CFAP96: variants seen among roughly 807,000 people sequenced by gnomAD.
CFAP96 encodes the protein cilia-and flagella-associated protein 96.
chr4:185,417,436 A>G, the CFAP96 span, among the ~76,000 whole-genome samples: 1 of 152,130 alleles, frequency 6.6e-6, no homozygotes, highest in Admixed American at 6.5e-5. Flanking sequence ...CTCACCTTCC[A>G]TCTTTACCCA....
the CFAP96 span, among the ~76,000 whole-genome samples, chr4:185,443,597 ATTCG>A: frequency 1.3e-5 from 2 of 150,622 alleles, no homozygotes; most frequent in African/African-American, 4.9e-5. Context: ...GATCCACCTG[ATTCG>A]GCCTCCCAAA....
the CFAP96 span, chr4:185,436,332 C>T: frequency 6.4e-7 from 1 of 1,550,528 alleles, no homozygotes; most frequent in Non-Finnish European, 8.7e-7. Context: ...CTGCCGACTT[C>T]TATGATGCAG....
chr4:185,446,485 C>T, the CFAP96 span, among the ~76,000 whole-genome samples: 1 of 152,116 alleles, frequency 6.6e-6, no homozygotes, highest in Non-Finnish European at 1.5e-5. Context: ...TATTCTCTCA[C>T]TCAACATCCA....
At chr4:185,412,789 C>T in the CFAP96 span, among the ~76,000 whole-genome samples, 11 of 152,144 alleles carry the variant, frequency 7.2e-5, no homozygotes, top group Non-Finnish European at 7.4e-5. Flanking sequence ...CTGAAGACAC[C>T]TGCTAGTCAC....
the CFAP96 span, among the ~76,000 whole-genome samples, chr4:185,424,311 A>C: frequency 6.6e-6 from 1 of 152,136 alleles, no homozygotes; most frequent in Non-Finnish European, 1.5e-5. Context: ...GTCTCCAAAA[A>C]ACAAAATAAA....
chr4:185,449,778 C>A, the CFAP96 span: 3 of 535,420 alleles, frequency 5.6e-6, no homozygotes, highest in East Asian at 3.3e-5. Flanking sequence ...AACTCTAATT[C>A]TCTTCCTTAT....
chr4:185,434,842 G>A, the CFAP96 span, among the ~76,000 whole-genome samples: 1 of 152,104 alleles, frequency 6.6e-6, no homozygotes, highest in Admixed American at 6.5e-5. Flanking sequence ...AGGTTCAAGC[G>A]AGATTCTCCT....
the CFAP96 span, chr4:185,425,935 T>C: frequency 6.4e-7 from 1 of 1,557,010 alleles, no homozygotes; most frequent in Non-Finnish European, 8.7e-7. Context: ...GGCCCTGAAG[T>C]GGTGTCACCG....
the CFAP96 span, chr4:185,432,291 T>A: frequency 1.0e-6 from 1 of 976,756 alleles, no homozygotes; most frequent in Non-Finnish European, 1.5e-6. Flanking sequence ...CTTACTTATG[T>A]AAGATGAATT....
the CFAP96 span, chr4:185,425,789 C>T: frequency 6.4e-7 from 1 of 1,559,024 alleles, no homozygotes; most frequent in Non-Finnish European, 8.7e-7. Flanking sequence ...TCCTTTCAGG[C>T]GCTGTGAAGC....
chr4:185,419,421 C>T, the CFAP96 span, among the ~76,000 whole-genome samples: 2 of 152,188 alleles, frequency 1.3e-5, no homozygotes, highest in African/African-American at 2.4e-5. Context: ...TGAGCCACCG[C>T]GCCTGGCCCT....
the CFAP96 span, among the ~76,000 whole-genome samples, chr4:185,432,354 T>C: frequency 5.9e-5 from 9 of 152,224 alleles, no homozygotes; most frequent in Non-Finnish European, 1.2e-4. Flanking sequence ...ATTGGATGAT[T>C]TAGATTGACA....
At chr4:185,415,262 T>C in the CFAP96 span, 35 of 1,602,356 alleles carry the variant, frequency 2.2e-5, no homozygotes, top group South Asian at 3.4e-4. Context: ...GGGACCACAA[T>C]AGATGTTCCT....
chr4:185,445,450 A>C, the CFAP96 span: 4 of 1,270,210 alleles, frequency 3.1e-6, no homozygotes, highest in Non-Finnish European at 4.5e-6. Context: ...TTAGCAGTAC[A>C]ATTAACATTG....
At chr4:185,437,902 G>A in the CFAP96 span, among the ~76,000 whole-genome samples, 19 of 151,996 alleles carry the variant, frequency 1.3e-4, no homozygotes, top group African/African-American at 4.6e-4. Flanking sequence ...ATTTAAAAAA[G>A]GTTACTCCAC....
chr4:185,447,479 C>T, the CFAP96 span, among the ~76,000 whole-genome samples: 5 of 152,116 alleles, frequency 3.3e-5, no homozygotes, highest in South Asian at 4.1e-4. Context: ...CACGCCCGGC[C>T]GATTTTATAT....
chr4:185,445,744 A>T, the CFAP96 span, among the ~76,000 whole-genome samples: 5 of 152,244 alleles, frequency 3.3e-5, no homozygotes, highest in Non-Finnish European at 4.4e-5. Flanking sequence ...CTTTTATAAA[A>T]ACAGTAGTAC....
chr4:185,447,416 G>A, the CFAP96 span, among the ~76,000 whole-genome samples: 610 of 152,196 alleles, frequency 4.0e-3, 18 homozygotes, highest in South Asian at 0.038. Context: ...TCCTGACCTC[G>A]TGATCCACCC....
chr4:185,445,844 CTTT>C, the CFAP96 span, among the ~76,000 whole-genome samples: 2 of 151,968 alleles, frequency 1.3e-5, no homozygotes, highest in Admixed American at 6.6e-5. Flanking sequence ...AGGTGTATTT[CTTT>C]TTTATTTTTT....
Sources: gnomAD v4.1 joint callset for allele counts (sites outside exome capture counted in the v4.1 genomes callset) on GRCh38, gnomAD v4.1.1 for gene constraint, MANE v1.5 for transcripts, NCBI Gene and HGNC (gene_info 2026-07-23, HGNC 2026-07-21) for gene names.